The following CCDC171 variants were observed in gnomAD, a reference collection of about 807,000 sequenced individuals.
The protein encoded by CCDC171 is coiled-coil domain containing 171.
Under a neutral mutation model 168.2 loss-of-function variants are expected in CCDC171, and 177 were observed. That is an observed-to-expected ratio of 1.05 (90% CI 0.93 to 1.19). CCDC171 has a LOEUF of 1.19. Among genes scored for constraint, CCDC171 ranks in the 50% most tolerant of loss-of-function variants. The probability of loss-of-function intolerance (pLI) is 0.00; values close to 1 mark genes in which losing one functional copy is unlikely to be tolerated. For synonymous variants in CCDC171, 687 were observed against 540.8 expected (o/e 1.27, Z -3.75); for missense variants, 1,991 against 1,539.0 (o/e 1.29, Z -4.91).
the CCDC171 span, among the ~76,000 whole-genome samples, chr9:16,074,469 A>G: frequency 7.2e-5 from 11 of 152,166 alleles, no homozygotes; most frequent in South Asian, 2.1e-4. Flanking sequence ...CAGTTAGTAT[A>G]CTTCCTGTGC....
At chr9:16,004,368 C>T (rs1261693427) in intron 3 of CCDC171, among the ~76,000 whole-genome samples, 1 of 152,154 alleles carries the variant, frequency 6.6e-6, no homozygotes, top group African/African-American at 2.4e-5. Flanking sequence ...GACTTACATG[C>T]TCTTGAGAAG....
chr9:15,677,636 T>A (rs778918717), intron 9 of CCDC171, among the ~76,000 whole-genome samples: 44 of 151,584 alleles, frequency 2.9e-4, no homozygotes, highest in Non-Finnish European at 5.9e-4. Flanking sequence ...AAATTTTAAA[T>A]GAAAATACTT....
At chr9:15,722,351 G>A (rs1339278457) in intron 12 of CCDC171, among the ~76,000 whole-genome samples, 1 of 152,178 alleles carries the variant, frequency 6.6e-6, no homozygotes, top group Non-Finnish European at 1.5e-5. Context: ...GTTGTTAGAA[G>A]TTTTTAAAAA....
intron 16 of CCDC171, among the ~76,000 whole-genome samples, chr9:15,731,679 T>C (rs1408064940): frequency 6.6e-6 from 1 of 152,100 alleles, no homozygotes; most frequent in African/African-American, 2.4e-5. Context: ...TACAAGTCTT[T>C]TGTCAACATA....
intron 21 of CCDC171, among the ~76,000 whole-genome samples, chr9:15,829,748 C>A (rs986382299): frequency 6.6e-6 from 1 of 151,996 alleles, no homozygotes; most frequent in Non-Finnish European, 1.5e-5. Context: ...GGCAAATCCC[C>A]ATCTCTACTA....
chr9:15,765,618 A>G (rs886154097), intron 18 of CCDC171, among the ~76,000 whole-genome samples: 5 of 152,182 alleles, frequency 3.3e-5, no homozygotes, highest in Admixed American at 1.3e-4. Context: ...ATCAATTGAG[A>G]TGGAGGAAGG....
intron 6 of CCDC171, among the ~76,000 whole-genome samples, chr9:16,029,188 G>T (rs969533518): frequency 6.6e-6 from 1 of 152,152 alleles, no homozygotes; most frequent in Non-Finnish European, 1.5e-5. Flanking sequence ...CTTAGAAGGG[G>T]CAACATCTTC....
chr9:15,993,275 C>G (rs545836800), intron 3 of CCDC171, among the ~76,000 whole-genome samples: 97 of 152,196 alleles, frequency 6.4e-4, no homozygotes, highest in African/African-American at 2.3e-3. Context: ...GAACAGAGCC[C>G]TCAGAAATAA....
intron 3 of CCDC171, among the ~76,000 whole-genome samples, chr9:15,999,328 AAGG>A (rs1832468952): frequency 2.0e-5 from 3 of 149,002 alleles, no homozygotes; most frequent in Non-Finnish European, 4.5e-5. Context: ...AAAAGAAAAG[AAGG>A]AGGGAGGAAG....
In CCDC171 at chr9:15,666,153, C is replaced by T. The variant is rs201714618; in HGVS notation, c.916-10C>T. Reference sequence around the variant, plus strand: ...TAGCTTGATTTAATTACTTGTCTGTCGTCCGGTAGTTACGGATTCGAGACC... The same window carrying T: ...TAGCTTGATTTAATTACTTGTCTGTTGTCCGGTAGTTACGGATTCGAGACC... On this transcript the variant is annotated splice_polypyrimidine_tract_variant and intron_variant, in intron 8 of 25. Coordinates refer to ENST00000380701, the MANE Select transcript of CCDC171 (RefSeq NM_173550.4). 39 of 1,610,100 alleles carry T rather than the reference C, an allele frequency of 2.4e-5. No individual in the cohort carries two copies. Among genetic ancestry groups the T allele is most frequent in the Admixed American group, 3.4e-5 (2 of 59,194 alleles).
intron 9 of CCDC171, among the ~76,000 whole-genome samples, chr9:15,676,510 A>G (rs527670777): frequency 1.3e-5 from 2 of 151,704 alleles, no homozygotes; most frequent in African/African-American, 2.4e-5. Flanking sequence ...AGCTGTTCCT[A>G]TTTGGCCATC....
Position 15,666,268 on chromosome 9 carries a change from A to G in CCDC171, c.1021A>G (p.Ser341Gly). 1 of 1,613,842 alleles carries G rather than the reference A, an allele frequency of 6.2e-7. No individual in the cohort carries two copies. The highest frequency in any genetic ancestry group is 8.5e-7 in the Non-Finnish European group (1 of 1,179,792). The part of the protein sequence containing the change: ...IIKNEFKEVE[S>G]AYEREKHNAQ... ...CAAGAATGAATTCAAAGAAGTTGAA[A>G]GTGCATATGAGCGAGAAAAGCATAA... Residue 341 changes from serine to glycine, a missense_variant, in exon 9 of 26, where the codon AGT (serine) becomes GGT (glycine). Transcript: ENST00000380701.
intron 21 of CCDC171, among the ~76,000 whole-genome samples, chr9:15,827,267 T>C (rs1696818899): frequency 1.3e-5 from 2 of 152,210 alleles, no homozygotes; most frequent in African/African-American, 4.8e-5. Flanking sequence ...TATGTGTGTG[T>C]GGAAGGGGGG....
the CCDC171 span, among the ~76,000 whole-genome samples, chr9:16,071,426 T>G: frequency 4.6e-5 from 7 of 152,206 alleles, no homozygotes. Flanking sequence ...CAGTGTTTGC[T>G]CCTCTCTCCT....
At chr9:16,094,780 C>T in the CCDC171 span, among the ~76,000 whole-genome samples, 3 of 152,290 alleles carry the variant, frequency 2.0e-5, no homozygotes, top group East Asian at 5.8e-4. Flanking sequence ...ATAAGGAGGT[C>T]ATCCAAGAAA....
intron 3 of CCDC171, among the ~76,000 whole-genome samples, chr9:15,998,639 T>G (rs934075674): frequency 2.0e-5 from 3 of 152,186 alleles, no homozygotes; most frequent in African/African-American, 7.2e-5. Context: ...GGTTGGACCT[T>G]CAGAAGCGGT....
intron 23 of CCDC171, among the ~76,000 whole-genome samples, chr9:15,862,515 A>G (rs2061603609): frequency 6.6e-6 from 1 of 151,934 alleles, no homozygotes; most frequent in South Asian, 2.1e-4. Context: ...TAATTAATAT[A>G]TCTCCATTTC....
chr9:15,604,855 A>C (rs2043106148), intron 6 of CCDC171, among the ~76,000 whole-genome samples: 1 of 152,236 alleles, frequency 6.6e-6, no homozygotes, highest in South Asian at 2.1e-4. Context: ...AAATACACAC[A>C]GAAATAAGAT....
intron 24 of CCDC171, among the ~76,000 whole-genome samples, chr9:15,877,185 A>AACAAACAG (rs1283768766): frequency 7.3e-5 from 11 of 151,670 alleles, no homozygotes; most frequent in African/African-American, 2.4e-4. Context: ...AGCTGAAACA[A>AACAAACAG]ACAAACAAAC....
Sources: allele counts gnomAD v4.1 joint callset (sites outside exome capture counted in the v4.1 genomes callset), GRCh38; gene constraint gnomAD v4.1.1; transcripts MANE v1.5; gene names NCBI Gene and HGNC (gene_info 2026-07-23, HGNC 2026-07-21).